MAST4: variants seen among roughly 807,000 people sequenced by gnomAD.
The protein encoded by MAST4 is microtubule-associated serine/threonine-protein kinase 4.
MAST4 carries 89 observed loss-of-function variants against 162.7 expected under a neutral mutation model. That is an observed-to-expected ratio of 0.55 (90% CI 0.46 to 0.65). The LOEUF is 0.65. Ranked by LOEUF, MAST4 falls within the 30% of genes least tolerant of loss-of-function variation. The pLI is 0.00. For missense variants in MAST4, 3,153 were observed against 3,374.0 expected, an observed-to-expected ratio of 0.93 and a Z score of 1.62; for synonymous variants, 1,479 against 1,361.1, an observed-to-expected ratio of 1.09 and a Z score of -1.91.
chr5:67,158,976 G>A (rs1362711569), intron 26 of MAST4, among the ~76,000 whole-genome samples: 3 of 152,250 alleles, frequency 2.0e-5, no homozygotes, highest in African/African-American at 7.2e-5. Context: ...AGAGGTTGCA[G>A]TGAGCCGAGA....
intron 15 of MAST4, 120 bp downstream of exon 15, chr5:67,130,538 A>G (rs1768830610): frequency 2.2e-6 from 2 of 913,894 alleles, no homozygotes; most frequent in Non-Finnish European, 3.3e-6. Flanking sequence ...GAAGCCAGGC[A>G]ATGAAATGGC....
chr5:67,038,241 CT>C (rs55716804), intron 4 of MAST4, among the ~76,000 whole-genome samples: 44,356 of 144,028 alleles, frequency 0.31, 6,797 homozygotes, highest in African/African-American at 0.35. Context: ...TTTAGTTTCT[CT>C]TTTTTTTTTT....
intron 3 of MAST4, among the ~76,000 whole-genome samples, chr5:66,830,256 A>G (rs1327640946): frequency 6.6e-6 from 1 of 152,202 alleles, no homozygotes; most frequent in African/African-American, 2.4e-5. Flanking sequence ...TTTTCAGAAG[A>G]AATTCCTTTT....
At chr5:66,853,420 A>G (rs554897353) in intron 3 of MAST4, among the ~76,000 whole-genome samples, 1 of 150,824 alleles carries the variant, frequency 6.6e-6, no homozygotes, top group African/African-American at 2.4e-5. Context: ...TTTTAAAAAT[A>G]AATAGTATTA....
chr5:67,045,349 T>C (rs1757233275), intron 4 of MAST4, among the ~76,000 whole-genome samples: 1 of 152,200 alleles, frequency 6.6e-6, no homozygotes, highest in Admixed American at 6.5e-5. Flanking sequence ...AAGGTGAATG[T>C]CAGCCACCAA....
chr5:66,945,556 A>C (rs924309857), intron 4 of MAST4, among the ~76,000 whole-genome samples: 2 of 152,044 alleles, frequency 1.3e-5, no homozygotes, highest in Non-Finnish European at 2.9e-5. Flanking sequence ...ACTGCCCCTC[A>C]GAGATGAAAG....
At chr5:66,637,162 C>G (rs1039914700) in intron 1 of MAST4, among the ~76,000 whole-genome samples, 15 of 151,618 alleles carry the variant, frequency 9.9e-5, no homozygotes, top group Admixed American at 7.2e-4. Flanking sequence ...AAAAGCTAGA[C>G]TTGTAAAAAG....
At chr5:66,608,134 T>G (rs1470945807) in intron 1 of MAST4, among the ~76,000 whole-genome samples, 1 of 150,838 alleles carries the variant, frequency 6.6e-6, no homozygotes, top group African/African-American at 2.4e-5. Context: ...CTTGGCTCAC[T>G]GCAACCTCTG....
At chr5:66,863,710 CAAG>C (rs369621768) in intron 3 of MAST4, among the ~76,000 whole-genome samples, 301 of 152,220 alleles carry the variant, frequency 2.0e-3, no homozygotes, top group African/African-American at 7.1e-3. Context: ...AGACAGGAGA[CAAG>C]AAGGAGGGAG....
chr5:66,736,939 C>T (rs563902940), intron 1 of MAST4, among the ~76,000 whole-genome samples: 5 of 152,224 alleles, frequency 3.3e-5, no homozygotes, highest in African/African-American at 9.6e-5. Flanking sequence ...CTGTAATATC[C>T]GAGTCATATG....
chr5:66,848,455 G>GT (rs918080226), intron 3 of MAST4, among the ~76,000 whole-genome samples: 1 of 151,462 alleles, frequency 6.6e-6, no homozygotes, highest in African/African-American at 2.4e-5. Flanking sequence ...TGTTTTTTTT[G>GT]TTTGTTTGTT....
intron 3 of MAST4, among the ~76,000 whole-genome samples, chr5:66,798,667 C>T (rs998853462): frequency 1.3e-5 from 2 of 152,124 alleles, no homozygotes; most frequent in African/African-American, 2.4e-5. Context: ...TAGTATGTCA[C>T]GGATGAATCT....
intron 3 of MAST4, among the ~76,000 whole-genome samples, chr5:66,790,690 A>AC (rs1755357070): frequency 6.6e-6 from 1 of 151,588 alleles, no homozygotes; most frequent in African/African-American, 2.4e-5. Flanking sequence ...GACTACAGGC[A>AC]CATACTACTG....
At chr5:67,151,097 G>GCA (rs1281253133) in intron 24 of MAST4, among the ~76,000 whole-genome samples, 1 of 152,036 alleles carries the variant, frequency 6.6e-6, no homozygotes, top group Non-Finnish European at 1.5e-5. Context: ...TTTCTCAAGT[G>GCA]CACACACACA....
At chr5:67,038,916 G>A (rs1439204189) in intron 4 of MAST4, among the ~76,000 whole-genome samples, 3 of 152,134 alleles carry the variant, frequency 2.0e-5, no homozygotes, top group Non-Finnish European at 2.9e-5. Context: ...AGTATCTTAA[G>A]ACCCAGGGCT....
At chr5:67,157,216 C>T (rs1772641275) in intron 26 of MAST4, among the ~76,000 whole-genome samples, 1 of 152,224 alleles carries the variant, frequency 6.6e-6, no homozygotes, top group South Asian at 2.1e-4. Flanking sequence ...AATCATTTAC[C>T]ATTTTTGTAA....
chr5:66,942,889 A>G (rs1423462), intron 4 of MAST4, among the ~76,000 whole-genome samples: 2,918 of 152,150 alleles, frequency 0.019, 82 homozygotes, highest in African/African-American at 0.067. Flanking sequence ...ATTTCTGGTG[A>G]CTGAGAAGTC....
intron 5 of MAST4, among the ~76,000 whole-genome samples, chr5:67,062,226 C>G (rs1421259601): frequency 6.6e-6 from 1 of 152,074 alleles, no homozygotes; most frequent in Non-Finnish European, 1.5e-5. Context: ...ATGGTGAAAC[C>G]ATCTTTACTA....
At chr5:66,699,420 T>G (rs944460360) in intron 1 of MAST4, among the ~76,000 whole-genome samples, 3 of 152,226 alleles carry the variant, frequency 2.0e-5, no homozygotes, top group African/African-American at 7.2e-5. Flanking sequence ...TTTTTGTTGA[T>G]GTTCATCCAT....
Sources: gnomAD v4.1 joint callset for allele counts (sites outside exome capture counted in the v4.1 genomes callset) on GRCh38, gnomAD v4.1.1 for gene constraint, MANE v1.5 for transcripts, NCBI Gene and HGNC (gene_info 2026-07-23, HGNC 2026-07-21) for gene names.